Variants in GLRA3 observed in about 807,000 individuals in gnomAD.
GLRA3 encodes the protein glycine receptor subunit alpha-3.
In GLRA3, 44 loss-of-function variants were observed where a neutral mutation model predicts 60.4. The observed-to-expected ratio is 0.73, with a 90% confidence interval of 0.57 to 0.94. The LOEUF (loss-of-function observed/expected upper bound fraction) is 0.94, where lower values mean the gene tolerates loss of function less well. Among genes scored for constraint, GLRA3 ranks in the 40% least tolerant of loss-of-function variants. The pLI is 0.00. For synonymous variants in GLRA3, 223 were observed against 192.9 expected (o/e 1.16, Z -1.29); for missense variants, 508 against 564.6 (o/e 0.90, Z 1.02).
In GLRA3 at chr4:174,697,893, A is replaced by T. The variant is rs967641380; in HGVS notation, c.575-14954T>A. On this transcript the variant is annotated intron_variant, in intron 5 of 9. Transcript: ENST00000274093. ...TGACCCTGAGCCCATTTTAATGAGG[A>T]AAGGCATCGTGGTTGGTTGGATTTC... 2.6e-5 allele frequency among the ~76,000 whole-genome samples: 4 copies of T among 152,160 alleles called. 1 individual carries two copies. The highest frequency in any genetic ancestry group is 9.7e-5 in the African/African-American group (4 of 41,448).
chr4:174,756,563 A>C (rs750717170), intron 3 of GLRA3, among the ~76,000 whole-genome samples: 10 of 152,216 alleles, frequency 6.6e-5, no homozygotes, highest in Middle Eastern at 3.4e-3. Context: ...TCATAATAAA[A>C]CATCTCAGCA....
intron 1 of GLRA3, among the ~76,000 whole-genome samples, chr4:174,798,536 T>C (rs1661548404): frequency 6.6e-6 from 1 of 152,162 alleles, no homozygotes; most frequent in South Asian, 2.1e-4. Context: ...AGAAAAAGAA[T>C]CATTGCAGTG....
intron 1 of GLRA3, among the ~76,000 whole-genome samples, chr4:174,806,053 G>A (rs1432129646): frequency 6.6e-6 from 1 of 152,004 alleles, no homozygotes; most frequent in African/African-American, 2.4e-5. Context: ...TCAGGTGAAA[G>A]GTATAGCAAA....
intron 3 of GLRA3, among the ~76,000 whole-genome samples, chr4:174,745,909 C>G (rs187296578): frequency 9.0e-4 from 137 of 152,094 alleles, no homozygotes; most frequent in African/African-American, 3.0e-3. Context: ...CTCAACATCA[C>G]TATCATTAAG....
At position 174,721,176 on chromosome 4, in the gene GLRA3, G is replaced by A. The variant is rs143586980; in HGVS notation, c.492-5606C>T. ...CCCGAGTAGCTGAGATTACAGGCAT[G>A]CGCCACCACGCCTAGCTAATTTTTG... On this transcript the variant is annotated intron_variant, in intron 4 of 9. Coordinates refer to ENST00000274093, the MANE Select transcript of GLRA3 (RefSeq NM_006529.4). Among the ~76,000 whole-genome samples, 1,082 of 152,062 alleles carry A rather than the reference G, an allele frequency of 7.1e-3. 12 individuals carry two copies. The highest frequency in any genetic ancestry group is 0.025 in the African/African-American group (1,034 of 41,506).
At chr4:174,712,401 T>G (rs1184005986) in intron 5 of GLRA3, 2 of 152,186 alleles carry the variant, frequency 1.3e-5, no homozygotes, top group Non-Finnish European at 2.9e-5. Context: ...TTTTTTGCTT[T>G]ATTTATTGTT....
intron 3 of GLRA3, among the ~76,000 whole-genome samples, chr4:174,729,248 T>A (rs936550490): frequency 2.0e-5 from 3 of 152,246 alleles, no homozygotes; most frequent in Admixed American, 6.5e-5. Flanking sequence ...GCATTTATTT[T>A]TAGAATAATT....
intron 5 of GLRA3, among the ~76,000 whole-genome samples, chr4:174,691,305 T>A (rs947307815): frequency 6.8e-6 from 1 of 146,574 alleles, no homozygotes; most frequent in South Asian, 2.1e-4. Context: ...GATGTTGAAC[T>A]TTTTTTCATA....
chr4:174,732,426 C>T (rs1736589847), intron 3 of GLRA3, among the ~76,000 whole-genome samples: 1 of 149,864 alleles, frequency 6.7e-6, no homozygotes, highest in Non-Finnish European at 1.5e-5. Context: ...ACTCAGGATA[C>T]AAACATTTTA....
chr4:174,676,275 G>T (rs924022107), intron 7 of GLRA3, among the ~76,000 whole-genome samples: 5 of 152,068 alleles, frequency 3.3e-5, no homozygotes, highest in African/African-American at 1.2e-4. Flanking sequence ...ATTAGATAAG[G>T]TCTCCTTCCT....
intron 4 of GLRA3, among the ~76,000 whole-genome samples, chr4:174,726,810 G>A (rs1736342795): frequency 6.8e-6 from 1 of 146,126 alleles, no homozygotes; most frequent in African/African-American, 2.5e-5. Context: ...TCCCCGAAGT[G>A]AGATTCTTGC....
intron 5 of GLRA3, among the ~76,000 whole-genome samples, chr4:174,706,594 C>T (rs751997663): frequency 6.6e-6 from 1 of 151,944 alleles, no homozygotes; most frequent in Non-Finnish European, 1.5e-5. Flanking sequence ...AAAATGCAAA[C>T]AAAAAAGGGA....
chr4:174,713,219 T>C (rs77768827), intron 5 of GLRA3, among the ~76,000 whole-genome samples: 7,581 of 152,182 alleles, frequency 0.05, 217 homozygotes, highest in South Asian at 0.1. Context: ...TCCACTCATA[T>C]TTCTTATAGA....
intron 1 of GLRA3, among the ~76,000 whole-genome samples, chr4:174,820,965 A>G (rs1315105010): frequency 6.6e-6 from 1 of 152,118 alleles, no homozygotes; most frequent in Non-Finnish European, 1.5e-5. Flanking sequence ...CTAACTTCTG[A>G]AAAGGAGAAC....
Position 174,689,756 on chromosome 4 carries a change from T to TAAAAAAAAAAAAAAAAAAAAAAAA in GLRA3, c.575-6841_575-6818dup, listed in dbSNP as rs553306775. ...AAAGGCACAGAGTGGTAAGTCGCAT[T>TAAAAAAAAAAAAAAAAAAAAAAAA]AAAAAAAAAAAAAAAAAAAAAAAAA... On this transcript the variant is annotated intron_variant, in intron 5 of 9. Coordinates refer to ENST00000274093, the MANE Select transcript of GLRA3 (RefSeq NM_006529.4). Among the ~76,000 whole-genome samples the TAAAAAAAAAAAAAAAAAAAAAAAA allele has an allele frequency of 7.6e-5, 3 of 39,540 alleles. 1 individual carries two copies. Among genetic ancestry groups the TAAAAAAAAAAAAAAAAAAAAAAAA allele is most frequent in the Non-Finnish European group, 1.3e-4 (3 of 22,378 alleles). The allele number at this position is 39,540 out of a possible 152,430, so 25.9% of individuals were successfully genotyped here. A position where few individuals can be genotyped will look rare whatever the true frequency, so the allele number is the denominator to read the frequency against.
chr4:174,755,028 T>C (rs763919946), intron 3 of GLRA3, among the ~76,000 whole-genome samples: 5 of 152,096 alleles, frequency 3.3e-5, no homozygotes, highest in Non-Finnish European at 5.9e-5. Context: ...CAACATTAAC[T>C]TGATTGTACA....
intron 5 of GLRA3, among the ~76,000 whole-genome samples, chr4:174,711,837 A>G (rs17298140): frequency 0.15 from 22,844 of 152,098 alleles, 1,763 homozygotes; most frequent in East Asian, 0.19. Flanking sequence ...TTCAAGGTAC[A>G]TTTCTCAGAT....
chr4:174,805,479 T>C (rs1740008219), intron 1 of GLRA3, among the ~76,000 whole-genome samples: 1 of 152,102 alleles, frequency 6.6e-6, no homozygotes, highest in Non-Finnish European at 1.5e-5. Flanking sequence ...CTTCTACCAG[T>C]AGGCTTCATT....
At chr4:174,788,590 T>TAAAAAAAAAAA (rs35640897) in intron 2 of GLRA3, among the ~76,000 whole-genome samples, 70 of 87,720 alleles carry the variant, frequency 8.0e-4, no homozygotes, top group Non-Finnish European at 1.1e-3. Context: ...GTTAGAGAAG[T>TAAAAAAAAAAA]AAAAAAAAAA....
Sources: allele counts gnomAD v4.1 joint callset (sites outside exome capture counted in the v4.1 genomes callset), GRCh38; gene constraint gnomAD v4.1.1; transcripts MANE v1.5; gene names NCBI Gene and HGNC (gene_info 2026-07-23, HGNC 2026-07-21).